LPP: variants seen among roughly 807,000 people sequenced by gnomAD.
LPP encodes the protein LIM domain containing preferred translocation partner in lipoma, also known as lipoma-preferred partner.
LPP carries 38 observed loss-of-function variants against 60.4 expected under a neutral mutation model. The ratio of observed to expected loss-of-function variants is 0.63; its 90% CI spans 0.49 to 0.83. The LOEUF is 0.83. LPP is among the 40% of genes least tolerant of loss of function. The probability of loss-of-function intolerance (pLI) is 0.00; values close to 1 mark genes in which losing one functional copy is unlikely to be tolerated. For missense variants in LPP, 902 were observed against 783.6 expected (o/e 1.15, Z -1.80); for synonymous variants, 328 against 290.8 (o/e 1.13, Z -1.30).
intron 9 of LPP, among the ~76,000 whole-genome samples, chr3:188,767,101 A>G (rs955157970): frequency 9.2e-5 from 14 of 152,208 alleles, no homozygotes; most frequent in Non-Finnish European, 1.8e-4. Context: ...AGGCAAATAA[A>G]GTAATCAAAA....
chr3:188,793,670 T>G (rs1560212240), intron 9 of LPP, among the ~76,000 whole-genome samples: 1 of 152,200 alleles, frequency 6.6e-6, no homozygotes, highest in South Asian at 2.1e-4. Flanking sequence ...GTCTTCTCTC[T>G]GTATGGGTAA....
chr3:188,229,692 G>T (rs1484274294), intron 2 of LPP, among the ~76,000 whole-genome samples: 2 of 152,220 alleles, frequency 1.3e-5, no homozygotes, highest in Non-Finnish European at 2.9e-5. Context: ...GTCCACGAAA[G>T]TAAAAAGTAG....
chr3:188,603,551 G>A (rs576934096), intron 6 of LPP, among the ~76,000 whole-genome samples: 5 of 152,124 alleles, frequency 3.3e-5, no homozygotes, highest in South Asian at 2.1e-4. Flanking sequence ...ATTGGTTTCC[G>A]TCTCAGGAGT....
intron 1 of LPP, among the ~76,000 whole-genome samples, chr3:188,200,095 CAAAT>C (rs1215666571): frequency 6.6e-6 from 1 of 151,988 alleles, no homozygotes; most frequent in Non-Finnish European, 1.5e-5. Flanking sequence ...AGGTCTCAGC[CAAAT>C]AAATAAAGAA....
At chr3:188,289,266 G>A (rs571883357) in intron 2 of LPP, among the ~76,000 whole-genome samples, 2 of 152,240 alleles carry the variant, frequency 1.3e-5, no homozygotes, top group African/African-American at 4.8e-5. Flanking sequence ...TAGCTCAGAC[G>A]TGGCTATGAG....
At chr3:188,360,059 T>G (rs575692756) in intron 3 of LPP, among the ~76,000 whole-genome samples, 2 of 152,294 alleles carry the variant, frequency 1.3e-5, no homozygotes, top group South Asian at 4.1e-4. Flanking sequence ...CTTCTTTACT[T>G]GACATATTTT....
intron 5 of LPP, among the ~76,000 whole-genome samples, chr3:188,490,063 G>T (rs1807857990): frequency 6.6e-6 from 1 of 152,114 alleles, no homozygotes; most frequent in Non-Finnish European, 1.5e-5. Flanking sequence ...ATTTCTCTTT[G>T]TTATTGAGTA....
At chr3:188,578,047 T>C (rs1055124900) in intron 6 of LPP, among the ~76,000 whole-genome samples, 1 of 152,088 alleles carries the variant, frequency 6.6e-6, no homozygotes, top group African/African-American at 2.4e-5. Context: ...TGATGGCTTG[T>C]CCTTGTCTCT....
intron 9 of LPP, among the ~76,000 whole-genome samples, chr3:188,797,135 C>CTCCTCT (rs1192324233): frequency 6.6e-6 from 1 of 151,988 alleles, no homozygotes; most frequent in Non-Finnish European, 1.5e-5. Context: ...CCTCCTCCTC[C>CTCCTCT]TCCTCTTCCT....
Position 188,778,450 on chromosome 3 carries a change from A to G in LPP, c.1410+18168A>G, listed in dbSNP as rs916987645. ...ATAGGGTCTTTTCTCTCATAGGTCT[A>G]AAAGATACTTCTTTCCTTTAACCAT... On this transcript the variant is annotated intron_variant, in intron 9 of 11. Coordinates refer to ENST00000617246, the MANE Select transcript of LPP (RefSeq NM_001375462.1). Among the ~76,000 whole-genome samples the G allele has an allele frequency of 6.5e-4, 99 of 152,336 alleles. 4 individuals are homozygous for G. The highest frequency in any genetic ancestry group is 1.1e-3 in the Admixed American group (17 of 15,292).
At chr3:188,262,592 C>A (rs1242272751) in intron 2 of LPP, among the ~76,000 whole-genome samples, 1 of 151,916 alleles carries the variant, frequency 6.6e-6, no homozygotes, top group Non-Finnish European at 1.5e-5. Context: ...ACCCCAAATG[C>A]ACTTGTATAT....
intron 6 of LPP, among the ~76,000 whole-genome samples, chr3:188,557,898 C>T (rs751519044): frequency 2.6e-5 from 4 of 152,036 alleles, no homozygotes; most frequent in Admixed American, 1.3e-4. Context: ...TATAAATCAT[C>T]AAGCAGGTAA....
chr3:188,787,607 T>C (rs1742362744), intron 9 of LPP, among the ~76,000 whole-genome samples: 1 of 151,934 alleles, frequency 6.6e-6, no homozygotes, highest in African/African-American at 2.4e-5. Context: ...TCTTGAGCTC[T>C]TGCAGCATTT....
intron 7 of LPP, among the ~76,000 whole-genome samples, chr3:188,683,306 A>C (rs1248438802): frequency 2.0e-5 from 3 of 151,854 alleles, no homozygotes; most frequent in South Asian, 2.1e-4. Context: ...TGGTAGCAGG[A>C]CTCATTTTTT....
At chr3:188,221,742 A>G (rs1460734191) in intron 1 of LPP, among the ~76,000 whole-genome samples, 2 of 152,224 alleles carry the variant, frequency 1.3e-5, no homozygotes, top group Non-Finnish European at 2.9e-5. Flanking sequence ...ATAGCAAGGT[A>G]GAATTCAGGA....
chr3:188,629,305 T>C (rs2138235), intron 7 of LPP, among the ~76,000 whole-genome samples: 1 of 151,920 alleles, frequency 6.6e-6, no homozygotes, highest in South Asian at 2.1e-4. Context: ...ATGATGTCAT[T>C]GTATACCTAG....
intron 6 of LPP, among the ~76,000 whole-genome samples, chr3:188,596,776 C>G (rs574855223): frequency 6.6e-6 from 1 of 152,068 alleles, no homozygotes. Flanking sequence ...ATTCCTTTTT[C>G]GCTTTGCTTT....
intron 8 of LPP, among the ~76,000 whole-genome samples, chr3:188,749,575 C>T (rs1183449418): frequency 6.6e-6 from 1 of 152,118 alleles, no homozygotes; most frequent in Non-Finnish European, 1.5e-5. Context: ...TCCATTTATG[C>T]AGGTAATATG....
At position 188,501,064 on chromosome 3, in the gene LPP, T is replaced by C. The variant is rs543267552; in HGVS notation, c.306+16360T>C. ...TTCTACTTATTTCTACTCTTATCTT[T>C]ATTATTTCTTCCCTTCTGGTAGATT... On this transcript the variant is annotated intron_variant, in intron 5 of 11. Coordinates refer to ENST00000617246, the MANE Select transcript of LPP (RefSeq NM_001375462.1). 3.9e-5 allele frequency among the ~76,000 whole-genome samples: 6 copies of C among 152,232 alleles called. No individual in the cohort carries two copies. In the East Asian group the frequency reaches 5.8e-4, roughly 15 times the overall value.
Sources: gnomAD v4.1 joint callset for allele counts (sites outside exome capture counted in the v4.1 genomes callset) on GRCh38, gnomAD v4.1.1 for gene constraint, MANE v1.5 for transcripts, NCBI Gene and HGNC (gene_info 2026-07-23, HGNC 2026-07-21) for gene names.